MAF: variants seen among roughly 807,000 people sequenced by gnomAD.
The protein encoded by MAF is MAF bZIP transcription factor.
A neutral mutation model predicts 22.0 loss-of-function variants in MAF; 10 were observed. The observed-to-expected ratio is 0.45, with a 90% CI of 0.28 to 0.77. MAF has a LOEUF of 0.77. Ranked by LOEUF, MAF falls within the 30% of genes least tolerant of loss-of-function variation. The pLI, the probability that MAF is intolerant of heterozygous loss-of-function variation, is 0.12. For synonymous variants in MAF, 337 were observed against 255.8 expected, an observed-to-expected ratio of 1.32 and a Z score of -3.03; for missense variants, 544 against 548.4, an observed-to-expected ratio of 0.99 and a Z score of 0.08.
the MAF span, among the ~76,000 whole-genome samples, chr16:79,447,905 A>AAAAAAAAAAAAGAAAAG: frequency 1.2e-5 from 1 of 85,808 alleles, no homozygotes; most frequent in Non-Finnish European, 2.1e-5. Flanking sequence ...AAAAAAAAAA[A>AAAAAAAAAAAAGAAAAG]AAAAGAAAAG....
chr16:79,522,382 C>A, the MAF span, among the ~76,000 whole-genome samples: 1 of 152,148 alleles, frequency 6.6e-6, no homozygotes, highest in African/African-American at 2.4e-5. Flanking sequence ...CTGTACCTTC[C>A]CCACGCCCCA....
the MAF span, among the ~76,000 whole-genome samples, chr16:79,577,802 G>A: frequency 3.3e-5 from 5 of 152,200 alleles, no homozygotes; most frequent in Non-Finnish European, 7.4e-5. Context: ...AAATATTATG[G>A]TGCAATGCCC....
chr16:79,338,896 T>G, the MAF span, among the ~76,000 whole-genome samples: 48 of 152,220 alleles, frequency 3.2e-4, no homozygotes, highest in Admixed American at 7.9e-4. Context: ...CCACCAAAGC[T>G]CATGCTCTCT....
rs1398725020 is a variant in MAF at position 79,595,260 on chromosome 16, AAAGG to A, written c.1119-711_1119-708del. On this transcript the variant is annotated intron_variant, in intron 1 of 1. Coordinates refer to ENST00000326043, the MANE Select transcript of MAF (RefSeq NM_005360.5). ...CAGGAGCCTGTCTAAACTAGCACAT[AAAGG>A]AAGGTCAAAATGTCGAGGTTACACA... 8 of 1,047,550 alleles carry A rather than the reference AAAGG, an allele frequency of 7.6e-6. No homozygotes were observed. The East Asian group carries it at 3.3e-4, about 43-fold the overall frequency. The allele number at this position is 1,047,550 out of a possible 1,614,324, so 64.9% of individuals were successfully genotyped here.
At chr16:79,556,387 C>T in the MAF span, among the ~76,000 whole-genome samples, 3 of 152,194 alleles carry the variant, frequency 2.0e-5, no homozygotes, top group African/African-American at 4.8e-5. Flanking sequence ...CACAGGTTTG[C>T]CATGATCTGG....
the MAF span, among the ~76,000 whole-genome samples, chr16:79,243,190 T>C: frequency 1.3e-5 from 2 of 151,408 alleles, no homozygotes; most frequent in Middle Eastern, 3.4e-3. Context: ...AAACAAGAAA[T>C]AACTAAGATG....
chr16:79,540,402 C>T, the MAF span, among the ~76,000 whole-genome samples: 2 of 152,146 alleles, frequency 1.3e-5, no homozygotes, highest in African/African-American at 4.8e-5. Flanking sequence ...AAACCTGATT[C>T]CAACGCTTCA....
the MAF span, among the ~76,000 whole-genome samples, chr16:79,288,552 G>A: frequency 6.6e-6 from 1 of 152,156 alleles, no homozygotes; most frequent in African/African-American, 2.4e-5. Flanking sequence ...TTCCTGACAC[G>A]TGAAATTTTG....
the MAF span, among the ~76,000 whole-genome samples, chr16:79,353,622 C>T: frequency 5.9e-5 from 9 of 151,970 alleles, no homozygotes; most frequent in African/African-American, 2.2e-4. Context: ...CCTGGTGTTC[C>T]TGGACTGTTT....
chr16:79,227,813 A>C, the MAF span, among the ~76,000 whole-genome samples: 1 of 152,130 alleles, frequency 6.6e-6, no homozygotes, highest in East Asian at 1.9e-4. Flanking sequence ...ATTTAGACTT[A>C]AAAAATATCA....
the MAF span, among the ~76,000 whole-genome samples, chr16:79,514,712 T>G: frequency 1.3e-5 from 2 of 152,320 alleles, no homozygotes; most frequent in African/African-American, 4.8e-5. Flanking sequence ...TCCAATTCTG[T>G]GCCCTGGGAG....
the MAF span, among the ~76,000 whole-genome samples, chr16:79,444,788 C>A: frequency 6.6e-6 from 1 of 152,118 alleles, no homozygotes; most frequent in African/African-American, 2.4e-5. Flanking sequence ...CACGTAATCT[C>A]CCCTTATCAT....
chr16:79,549,546 G>A, the MAF span, among the ~76,000 whole-genome samples: 4 of 152,322 alleles, frequency 2.6e-5, no homozygotes, highest in South Asian at 8.3e-4. Flanking sequence ...TCGATTCTCT[G>A]CCTGGCCCTT....
the MAF span, among the ~76,000 whole-genome samples, chr16:79,224,740 A>G: frequency 8.5e-5 from 13 of 152,236 alleles, no homozygotes; most frequent in Admixed American, 4.6e-4. Context: ...GAGCAAAATC[A>G]TGAGTGAACT....
At chr16:79,298,391 G>T in the MAF span, among the ~76,000 whole-genome samples, 1 of 152,320 alleles carries the variant, frequency 6.6e-6, no homozygotes, top group Admixed American at 6.5e-5. Flanking sequence ...CACTTTCTTC[G>T]CTGGGGATTA....
chr16:79,421,472 G>C, the MAF span, among the ~76,000 whole-genome samples: 1 of 152,150 alleles, frequency 6.6e-6, no homozygotes, highest in Non-Finnish European at 1.5e-5. Flanking sequence ...GATTCATACA[G>C]TATGTAGTCT....
chr16:79,539,272 G>C, the MAF span, among the ~76,000 whole-genome samples: 14 of 152,244 alleles, frequency 9.2e-5, no homozygotes, highest in African/African-American at 2.9e-4. Flanking sequence ...GGGAGGCCGA[G>C]CCGGGTGGAT....
the MAF span, among the ~76,000 whole-genome samples, chr16:79,496,287 A>G: frequency 1.3e-5 from 2 of 152,202 alleles, no homozygotes; most frequent in African/African-American, 4.8e-5. Context: ...CATTTTGGAA[A>G]AGGGTCATTT....
the MAF span, among the ~76,000 whole-genome samples, chr16:79,247,224 C>T: frequency 1.3e-5 from 2 of 152,156 alleles, no homozygotes; most frequent in African/African-American, 4.8e-5. Flanking sequence ...AAGAATGAGC[C>T]TGGCCTGGTT....
Sources: gnomAD v4.1 joint callset for allele counts (sites outside exome capture counted in the v4.1 genomes callset) on GRCh38, gnomAD v4.1.1 for gene constraint, MANE v1.5 for transcripts, NCBI Gene and HGNC (gene_info 2026-07-23, HGNC 2026-07-21) for gene names.